PPY: variants seen among roughly 807,000 people sequenced by gnomAD.
PPY encodes pancreatic polypeptide.
A neutral mutation model predicts 9.3 loss-of-function variants in PPY; 6 were observed. That is an observed-to-expected ratio of 0.64 (90% CI 0.35 to 1.27). The LOEUF (loss-of-function observed/expected upper bound fraction) is 1.27, where lower values mean the gene tolerates loss of function less well. Ranked by LOEUF, PPY falls within the 50% of genes most tolerant of loss-of-function variation. The pLI, the probability that PPY is intolerant of heterozygous loss-of-function variation, is 0.03. For missense variants in PPY, 109 were observed against 119.1 expected (o/e 0.91, Z 0.40); for synonymous variants, 58 against 54.6 (o/e 1.06, Z -0.27).
intron 2 of PPY, 100 bp downstream of exon 2, chr17:43,941,364 A>AGGGGCT (rs1247992714): frequency 2.4e-5 from 37 of 1,559,844 alleles, no homozygotes; most frequent in East Asian, 4.5e-5. Context: ...CAGGCCTGGA[A>AGGGGCT]GGGGCTGGGG....
Position 43,940,849 on chromosome 17 carries a change from G to A in PPY, c.*79C>T. ...GAGCCTGTGTGGGAGCAGGGAGCAA[G>A]CTTTGGCCAGAGCCAAGGGTGCAGA... On this transcript the variant is annotated 3_prime_UTR_variant, in exon 4 of 4. Transcript: ENST00000225992. The A allele has an allele frequency of 1.3e-6, 2 of 1,535,998 alleles. No homozygotes were observed. The highest frequency in any genetic ancestry group is 8.9e-7 in the Non-Finnish European group (1 of 1,128,854).
upstream of PPY, among the ~76,000 whole-genome samples, chr17:43,944,045 C>T (rs566721326): frequency 6.6e-6 from 1 of 152,366 alleles, no homozygotes; most frequent in African/African-American, 2.4e-5. Flanking sequence ...CATTCTGTCT[C>T]AGCAAGCCCG....
chr17:43,941,258 C>T, intron 2 of PPY, 44 bp from the exon 3 acceptor site: 1 of 1,543,798 alleles, frequency 6.5e-7, no homozygotes, highest in Non-Finnish European at 8.8e-7. Flanking sequence ...TGCCCAGGTG[C>T]CAGCCCACCT....
chr17:43,941,673 G>A lies in PPY; in HGVS notation c.1-19C>T. Reference sequence around the variant, plus strand: ...CAGCCATCTGAGGAGCAAGCAGAGGGGAGGTGGAGAGCCCGGGCTGCAGAT... The same window carrying A: ...CAGCCATCTGAGGAGCAAGCAGAGGAGAGGTGGAGAGCCCGGGCTGCAGAT... On this transcript the variant is annotated intron_variant, in intron 1 of 3. Transcript: ENST00000225992. 6.3e-7 allele frequency: 1 copy of A among 1,580,028 alleles called. No individual in the cohort carries two copies. Among genetic ancestry groups the A allele is most frequent in the Non-Finnish European group, 8.6e-7 (1 of 1,162,800 alleles).
chr17:43,941,007 G>C, intron 3 of PPY, 55 bp from the exon 4 acceptor site: 1 of 1,578,316 alleles, frequency 6.3e-7, no homozygotes. Flanking sequence ...GTGCCCTCAG[G>C]AGGCCTCAGG....
intron 3 of PPY, 68 bp from the exon 4 acceptor site, chr17:43,941,020 G>A: frequency 6.4e-7 from 1 of 1,564,160 alleles, no homozygotes; most frequent in South Asian, 1.2e-5. Context: ...GCCTCAGGCT[G>A]GCCCTGGGCT....
intron 2 of PPY, 73 bp downstream of exon 2, chr17:43,941,391 G>A: frequency 1.3e-6 from 2 of 1,595,948 alleles, no homozygotes; most frequent in Non-Finnish European, 1.7e-6. Flanking sequence ...CTGGGGATAG[G>A]GTGTGGCCAG....
upstream of PPY, among the ~76,000 whole-genome samples, chr17:43,943,527 C>T (rs1227465086): frequency 6.6e-6 from 1 of 152,166 alleles, no homozygotes; most frequent in Non-Finnish European, 1.5e-5. Flanking sequence ...CCACCAGAAG[C>T]CCCTGAGTCT....
At position 43,940,952 on chromosome 17, in the gene PPY, C is replaced by A; in HGVS notation, c.264G>T (p.Arg88Ser). 6.2e-7 allele frequency: 1 copy of A among 1,608,068 alleles called. No homozygotes were observed. The change falls in exon 4 of 4, where the codon AGG becomes AGT. Residue 88 changes from arginine (R) to serine (S), a missense_variant and splice_region_variant. By Grantham distance (110) the Arg-to-Ser change is moderately radical. Transcript: ENST00000225992. ...ATTATAAGTCCAGCGGGCTGAGCTCCCTGTGAGGACAGGGCAGAACATGGC... is the reference window on the plus strand; with the variant it reads ...ATTATAAGTCCAGCGGGCTGAGCTCACTGTGAGGACAGGGCAGAACATGGC... ...EWGSPHAAVP[R>S]ELSPLDL
Position 43,940,906 on chromosome 17 carries a change from TCGTAGGAGA to T in PPY, c.*13_*21del. 1 of 1,601,142 alleles carries T rather than the reference TCGTAGGAGA, an allele frequency of 6.2e-7. No individual in the cohort carries two copies. The highest frequency in any genetic ancestry group is 8.5e-7 in the Non-Finnish European group (1 of 1,174,238). On this transcript the variant is annotated 3_prime_UTR_variant, in exon 4 of 4. Transcript: ENST00000225992. ...AGCTGGGCTGGCGCTGCTCATGGAG[TCGTAGGAGA>T]CAGAAGGTGGCATTATAAGTCCAGC...
Position 43,942,094 on chromosome 17 carries a change from A to G in PPY, c.-1+327T>C. On this transcript the variant is annotated intron_variant, in intron 1 of 3. Transcript: ENST00000225992. The surrounding 1 kb of genome is among the most constrained non-coding windows in gnomAD (Gnocchi z 5.3). ...GGTCTGGCCCTCCACCCTGCGATAG[A>G]GACACAGATATCGGTCCTGGAGAAG... The G allele has an allele frequency of 4.4e-6, 1 of 227,230 alleles. No homozygotes were observed. Among genetic ancestry groups the G allele is most frequent in the Non-Finnish European group, 8.9e-6 (1 of 112,284 alleles). 14.1% of individuals were successfully genotyped at this position (227,230 alleles called of 1,614,324 possible). A position where few individuals can be genotyped will look rare whatever the true frequency, so the allele number is the denominator to read the frequency against.
At position 43,941,574 on chromosome 17, in the gene PPY, G is replaced by C. The variant is rs374127375; in HGVS notation, c.81C>G (p.Ala27=). The change falls in exon 2 of 4, where the codon GCC becomes GCG. Residue 27 remains alanine, a synonymous_variant. Transcript: ENST00000225992. ...VALLLQPLLG[A]QGAPLEPVYP... The stretch of plus-strand genomic sequence containing the variant: ...ACACTGGCTCCAGTGGGGCTCCCTG[G>C]GCACCCAGCAGTGGCTGTAGTAACA... The C allele has an allele frequency of 5.6e-6, 9 of 1,613,764 alleles. No homozygotes were observed. In the African/African-American group the frequency reaches 9.3e-5, roughly 17 times the overall value.
Position 43,940,898 on chromosome 17 carries a change from T to G in PPY, c.*30A>C. On this transcript the variant is annotated 3_prime_UTR_variant, in exon 4 of 4. Coordinates refer to ENST00000225992, the MANE Select transcript of PPY (RefSeq NM_002722.5). ...GAGGGGAGAGCTGGGCTGGCGCTGC[T>G]CATGGAGTCGTAGGAGACAGAAGGT... 2 of 1,599,012 alleles carry G rather than the reference T, an allele frequency of 1.3e-6. No individual in the cohort carries two copies. Among genetic ancestry groups the G allele is most frequent in the Non-Finnish European group, 1.7e-6 (2 of 1,172,906 alleles).
chr17:43,941,789 G>A (rs2048581109), intron 1 of PPY, 135 bp from the exon 2 acceptor site: 1 of 981,778 alleles, frequency 1.0e-6, no homozygotes. Flanking sequence ...GCAGAGCAAA[G>A]GGCCACTCCA....
rs780970184 is a variant in PPY, at chr17:43,941,646, G to A, written c.9C>T (p.Ala3=). The change falls in exon 2 of 4, where the codon GCC becomes GCT. Residue 3 remains alanine, a synonymous_variant. Transcript: ENST00000225992. ...GCAGCAGGGAGAGGCAGAGGCGTGC[G>A]GCAGCCATCTGAGGAGCAAGCAGAG... MA[A]ARLCLSLLLL... 15 of 1,604,922 alleles carry A rather than the reference G, an allele frequency of 9.3e-6. No homozygotes were observed. Among genetic ancestry groups the A allele is most frequent in the Middle Eastern group, 2.0e-4 (1 of 4,936 alleles).
intron 2 of PPY, 89 bp from the exon 3 acceptor site, chr17:43,941,303 G>T (rs1187889219): frequency 1.3e-6 from 2 of 1,509,690 alleles, no homozygotes; most frequent in Admixed American, 2.0e-5. Flanking sequence ...ATCTTGCCCA[G>T]GGCACATTGG....
upstream of PPY, among the ~76,000 whole-genome samples, chr17:43,943,335 A>G (rs1248114915): frequency 6.6e-6 from 1 of 152,170 alleles, no homozygotes; most frequent in African/African-American, 2.4e-5. Flanking sequence ...GTCAGACCCC[A>G]AAATTTAACT....
rs769608636 is a variant in PPY, at chr17:43,940,930, A to G, written c.286T>C (p.Ter96GlnextTer10). The change falls in exon 4 of 4, where the codon TAA (stop) becomes CAA (glutamine). Residue 96 changes from the stop codon to glutamine, a stop_lost. Transcript: ENST00000225992. ...GTCGTAGGAGACAGAAGGTGGCATT[A>G]TAAGTCCAGCGGGCTGAGCTCCCTG... ...VPRELSPLDL[*>Q] 1.2e-5 allele frequency: 20 copies of G among 1,607,992 alleles called. No homozygotes were observed. The highest frequency in any genetic ancestry group is 1.6e-5 in the Non-Finnish European group (19 of 1,177,504).
At chr17:43,941,351 G>C in intron 2 of PPY, 113 bp downstream of exon 2, 1 of 1,536,628 alleles carries the variant, frequency 6.5e-7, no homozygotes, top group Non-Finnish European at 8.9e-7. Flanking sequence ...GTTTTCCCAA[G>C]AGCAGGCCTG....
Sources: gnomAD v4.1 joint callset for allele counts (sites outside exome capture counted in the v4.1 genomes callset) on GRCh38, gnomAD v4.1.1 for gene constraint, Gnocchi (gnomAD v3.1) non-coding constraint, MANE v1.5 for transcripts, NCBI Gene and HGNC (gene_info 2026-07-23, HGNC 2026-07-21) for gene names.